The following ATP8A2 variants were observed in gnomAD, a reference collection of about 807,000 sequenced individuals.
ATP8A2 encodes phospholipid-transporting ATPase IB.
In ATP8A2, 100 loss-of-function variants were observed where a neutral mutation model predicts 165.6. The ratio of observed to expected loss-of-function variants is 0.60; its 90% CI spans 0.51 to 0.71. ATP8A2 has a LOEUF of 0.71. Ranked by LOEUF, ATP8A2 falls within the 30% of genes least tolerant of loss-of-function variation. The pLI is 0.00. For synonymous variants in ATP8A2, 543 were observed against 548.8 expected, an observed-to-expected ratio of 0.99 and a Z score of 0.15; for missense variants, 1,227 against 1,479.5, an observed-to-expected ratio of 0.83 and a Z score of 2.80.
chr13:25,497,009 A>G (rs1362406210), intron 2 of ATP8A2, among the ~76,000 whole-genome samples: 1 of 152,154 alleles, frequency 6.6e-6, no homozygotes, highest in Non-Finnish European at 1.5e-5. Flanking sequence ...TAATGAGACC[A>G]AGGTGCAGGG....
At chr13:25,586,413 G>T (rs951303051) in intron 23 of ATP8A2, among the ~76,000 whole-genome samples, 5 of 152,172 alleles carry the variant, frequency 3.3e-5, no homozygotes, top group African/African-American at 1.2e-4. Context: ...GTGTGGCGAG[G>T]GTTCCTGAGA....
intron 2 of ATP8A2, among the ~76,000 whole-genome samples, chr13:25,486,286 G>GT (rs900307119): frequency 6.6e-6 from 1 of 152,116 alleles, no homozygotes; most frequent in African/African-American, 2.4e-5. Context: ...AGTTAAATAC[G>GT]TTTTTTATAG....
intron 2 of ATP8A2, among the ~76,000 whole-genome samples, chr13:25,493,814 T>G (rs938747700): frequency 1.3e-5 from 2 of 149,924 alleles, no homozygotes; most frequent in Admixed American, 1.3e-4. Flanking sequence ...GGAAAAGGAG[T>G]GTGGAGGGGA....
rs572023867 is a variant in ATP8A2 at position 25,400,000 on chromosome 13, G to T, written c.76+27712G>T. ...TTTGAGGAAGCCATCAGAGCTCACT[G>T]CAGCCTTGAACTCTTGAGCTTAAGC... On this transcript the variant is annotated intron_variant, in intron 1 of 36. Coordinates refer to ENST00000381655, the MANE Select transcript of ATP8A2 (RefSeq NM_016529.6). Among the ~76,000 whole-genome samples, 14 of 151,900 alleles carry T rather than the reference G, an allele frequency of 9.2e-5. No individual in the cohort carries two copies. In the South Asian group the frequency reaches 2.9e-3, roughly 32 times the overall value.
chr13:25,539,095 G>GTGTGTT (rs1205280739), intron 7 of ATP8A2, among the ~76,000 whole-genome samples: 1 of 146,782 alleles, frequency 6.8e-6, no homozygotes, highest in Non-Finnish European at 1.5e-5. Context: ...GTGTGTGTGT[G>GTGTGTT]TGTGTTTTGT....
rs911154197 is a variant in ATP8A2 at position 25,617,830 on chromosome 13, G to A, written c.2211+28131G>A. Among the ~76,000 whole-genome samples, 10 of 152,168 alleles carry A rather than the reference G, an allele frequency of 6.6e-5. No homozygotes were observed. In the East Asian group the frequency reaches 1.2e-3, roughly 18 times the overall value. Reference sequence around the variant, plus strand: ...CCCTCTCCTCCTTCCTTTTTCATCTGAGCTTCCTCTCATCGATCTTAATAT... The same window carrying A: ...CCCTCTCCTCCTTCCTTTTTCATCTAAGCTTCCTCTCATCGATCTTAATAT... On this transcript the variant is annotated intron_variant, in intron 24 of 36. Coordinates refer to ENST00000381655, the MANE Select transcript of ATP8A2 (RefSeq NM_016529.6).
At chr13:25,704,727 A>G (rs904699585) in intron 25 of ATP8A2, among the ~76,000 whole-genome samples, 1 of 152,222 alleles carries the variant, frequency 6.6e-6, no homozygotes, top group African/African-American at 2.4e-5. Flanking sequence ...GAGGTCAGAC[A>G]TTAAAATCTC....
At chr13:25,832,834 G>A (rs1474343924) in intron 28 of ATP8A2, among the ~76,000 whole-genome samples, 1 of 151,966 alleles carries the variant, frequency 6.6e-6, no homozygotes, top group Non-Finnish European at 1.5e-5. Context: ...TCATGTTTTC[G>A]GCAACTGCAA....
At chr13:25,997,553 G>A (rs1016281776) in intron 35 of ATP8A2, among the ~76,000 whole-genome samples, 2 of 152,196 alleles carry the variant, frequency 1.3e-5, no homozygotes, top group Admixed American at 6.5e-5. Context: ...CTGAGACTCT[G>A]AAGACGTGAA....
chr13:25,636,029 G>A (rs1006507973), intron 24 of ATP8A2, among the ~76,000 whole-genome samples: 24 of 152,138 alleles, frequency 1.6e-4, no homozygotes, highest in Non-Finnish European at 5.9e-5. Context: ...GATGAGTATG[G>A]GGGGAAGAGG....
chr13:25,551,908 A>C (rs922550949), intron 11 of ATP8A2, among the ~76,000 whole-genome samples: 1 of 151,924 alleles, frequency 6.6e-6, no homozygotes, highest in African/African-American at 2.4e-5. Context: ...TGTGTTGTCA[A>C]CTCCAAAATA....
intron 33 of ATP8A2, among the ~76,000 whole-genome samples, chr13:25,917,646 T>C (rs534200202): frequency 6.6e-6 from 1 of 152,368 alleles, no homozygotes; most frequent in African/African-American, 2.4e-5. Context: ...CAGCATCAGC[T>C]GGTGGCTATA....
intron 33 of ATP8A2, among the ~76,000 whole-genome samples, chr13:25,911,760 A>C (rs146146049): frequency 2.0e-5 from 3 of 152,200 alleles, no homozygotes; most frequent in African/African-American, 7.2e-5. Context: ...TCCAGTTCAG[A>C]TGTTAGGCTA....
chr13:25,942,019 C>T (rs1035327395), intron 33 of ATP8A2, among the ~76,000 whole-genome samples: 12 of 152,106 alleles, frequency 7.9e-5, no homozygotes, highest in Non-Finnish European at 2.9e-5. Context: ...TAACAATACA[C>T]AGTGCTAATC....
chr13:25,816,860 G>A (rs1951034738), intron 27 of ATP8A2, among the ~76,000 whole-genome samples: 1 of 152,182 alleles, frequency 6.6e-6, no homozygotes, highest in Non-Finnish European at 1.5e-5. Context: ...TGGGAATAGA[G>A]GGATAGCATC....
intron 24 of ATP8A2, among the ~76,000 whole-genome samples, chr13:25,676,127 A>G (rs1181605345): frequency 6.6e-6 from 1 of 152,184 alleles, no homozygotes; most frequent in East Asian, 1.9e-4. Context: ...AAATATTCTA[A>G]TAGGTAGGCA....
chr13:25,464,546 C>T (rs745938031), intron 1 of ATP8A2, among the ~76,000 whole-genome samples: 3 of 151,744 alleles, frequency 2.0e-5, no homozygotes, highest in Non-Finnish European at 4.4e-5. Context: ...GTTAATAGGT[C>T]AGCCATATGC....
chr13:25,795,634 T>C (rs1950485160), intron 27 of ATP8A2, among the ~76,000 whole-genome samples: 1 of 152,242 alleles, frequency 6.6e-6, no homozygotes, highest in African/African-American at 2.4e-5. Flanking sequence ...TCAACCTAAT[T>C]AGCAATTATT....
chr13:25,771,195 G>C (rs1484713400), intron 26 of ATP8A2, among the ~76,000 whole-genome samples: 2 of 152,200 alleles, frequency 1.3e-5, no homozygotes, highest in South Asian at 2.1e-4. Flanking sequence ...GGAAAACCGG[G>C]GTTCCTTCGT....
Sources: allele counts gnomAD v4.1 joint callset (sites outside exome capture counted in the v4.1 genomes callset), GRCh38; gene constraint gnomAD v4.1.1; transcripts MANE v1.5; gene names NCBI Gene and HGNC (gene_info 2026-07-23, HGNC 2026-07-21).